Variants in SLC25A21 observed in about 807,000 individuals in gnomAD.
SLC25A21 encodes mitochondrial 2-oxodicarboxylate carrier.
A neutral mutation model predicts 43.8 loss-of-function variants in SLC25A21; 47 were observed. That is an observed-to-expected ratio of 1.07 (90% CI 0.85 to 1.37). SLC25A21 has a LOEUF of 1.37. SLC25A21 is among the 40% of genes most tolerant of loss of function. SLC25A21 has a pLI of 0.00. For synonymous variants in SLC25A21, 131 were observed against 121.3 expected, an observed-to-expected ratio of 1.08 and a Z score of -0.52; for missense variants, 352 against 350.2, an observed-to-expected ratio of 1.00 and a Z score of -0.04.
At chr14:36,689,473 G>A (rs959258967) in intron 7 of SLC25A21, among the ~76,000 whole-genome samples, 4 of 152,214 alleles carry the variant, frequency 2.6e-5, no homozygotes, top group East Asian at 1.9e-4. Context: ...TTCACGAGAC[G>A]ATTTTCCCTA....
At chr14:36,743,613 A>AGAACAAGACAAG (rs940710750) in intron 3 of SLC25A21, among the ~76,000 whole-genome samples, 2 of 152,172 alleles carry the variant, frequency 1.3e-5, no homozygotes, top group Middle Eastern at 3.2e-3. Context: ...ATTTCCCCTA[A>AGAACAAGACAAG]GAACAAGACA....
At chr14:36,851,790 G>T (rs1409551808) in intron 2 of SLC25A21, among the ~76,000 whole-genome samples, 2 of 152,134 alleles carry the variant, frequency 1.3e-5, no homozygotes, top group Non-Finnish European at 2.9e-5. Flanking sequence ...CATTTTCACT[G>T]AATTGCTAAT....
At chr14:37,147,369 G>A (rs1293068597) in intron 1 of SLC25A21, among the ~76,000 whole-genome samples, 4 of 152,112 alleles carry the variant, frequency 2.6e-5, no homozygotes, top group Admixed American at 6.5e-5. Context: ...TGTGAAATAT[G>A]AGGCCCTATT....
chr14:36,729,021 C>A (rs146032643), intron 5 of SLC25A21, among the ~76,000 whole-genome samples: 4 of 152,306 alleles, frequency 2.6e-5, no homozygotes, highest in African/African-American at 9.6e-5. Context: ...TCACAATTCT[C>A]CTTAGCTGAG....
rs1882158041 is a variant in SLC25A21, at chr14:36,680,201, A to G, written c.*457T>C. 2 of 853,090 alleles carry G rather than the reference A, an allele frequency of 2.3e-6. No homozygotes were observed. The highest frequency in any genetic ancestry group is 2.8e-6 in the Non-Finnish European group (2 of 710,040). The allele number at this position is 853,090 out of a possible 1,614,324, so 52.8% of individuals were successfully genotyped here. On this transcript the variant is annotated 3_prime_UTR_variant, in exon 10 of 10. Transcript: ENST00000331299. ...TATTATTTATGGAATAATTTAATTC[A>G]TTATAAAAACTGCTTAAATTTTGGC...
At chr14:36,898,049 T>C (rs1223959098) in intron 1 of SLC25A21, among the ~76,000 whole-genome samples, 1 of 152,166 alleles carries the variant, frequency 6.6e-6, no homozygotes, top group Non-Finnish European at 1.5e-5. Context: ...GAACCACTAC[T>C]CTCTTCAAAG....
intron 1 of SLC25A21, among the ~76,000 whole-genome samples, chr14:36,928,606 T>C (rs1032665170): frequency 6.6e-6 from 1 of 152,180 alleles, no homozygotes; most frequent in African/African-American, 2.4e-5. Context: ...ATGTGTATTG[T>C]AGACTCTCAT....
At chr14:37,007,624 A>AATAATAATAATAATAATAATAATAATAAT (rs1960635711) in intron 1 of SLC25A21, among the ~76,000 whole-genome samples, 1 of 115,012 alleles carries the variant, frequency 8.7e-6, no homozygotes, top group Non-Finnish European at 1.8e-5. Flanking sequence ...ATAATAATAA[A>AATAATAATAATAATAATAATAATAATAAT]GAACTTTGAG....
rs148874667 is a variant in SLC25A21, at chr14:36,956,305, T to C, written c.71-81301A>G. Among the ~76,000 whole-genome samples the C allele has an allele frequency of 1.7e-4, 26 of 152,282 alleles. No individual in the cohort carries two copies. The East Asian group carries it at 2.1e-3, about 12-fold the overall frequency. On this transcript the variant is annotated intron_variant, in intron 1 of 9. Transcript: ENST00000331299. ...TATGACATGGTGACAAAATAGAACT[T>C]TATTTATGTGAAGCTGGTTAAAAAT...
chr14:37,022,678 A>G (rs756319864), intron 1 of SLC25A21, among the ~76,000 whole-genome samples: 1 of 151,976 alleles, frequency 6.6e-6, no homozygotes, highest in Non-Finnish European at 1.5e-5. Context: ...TCCTCCTAAA[A>G]TATTACCCTA....
At chr14:37,056,686 C>CTGTGAGT (rs1191119403) in intron 1 of SLC25A21, among the ~76,000 whole-genome samples, 6 of 152,084 alleles carry the variant, frequency 3.9e-5, no homozygotes, top group Non-Finnish European at 8.8e-5. Context: ...GGCCACCCTG[C>CTGTGAGT]TGTGCACTGA....
In SLC25A21 at chr14:36,679,367, G is replaced by GTTATC. The variant is rs1389933001; in HGVS notation, c.*1286_*1290dup. 6 of 975,490 alleles carry GTTATC rather than the reference G, an allele frequency of 6.2e-6. No homozygotes were observed. The highest frequency in any genetic ancestry group is 9.5e-5 in the South Asian group (2 of 21,088). The allele number at this position is 975,490 out of a possible 1,614,324, so 60.4% of individuals were successfully genotyped here. On this transcript the variant is annotated 3_prime_UTR_variant, in exon 10 of 10. Coordinates refer to ENST00000331299, the MANE Select transcript of SLC25A21 (RefSeq NM_030631.4). ...ATTAATAAAAAGTAATAATTACCAT[G>GTTATC]TTATCTTTTACTTTTTATTTTCAAA...
chr14:36,823,535 C>T (rs1888711198), intron 2 of SLC25A21, among the ~76,000 whole-genome samples: 1 of 152,058 alleles, frequency 6.6e-6, no homozygotes, highest in Non-Finnish European at 1.5e-5. Context: ...CCTAGGCTGG[C>T]CACTACAGTG....
At chr14:36,755,832 C>T (rs569990558) in intron 3 of SLC25A21, among the ~76,000 whole-genome samples, 8 of 152,284 alleles carry the variant, frequency 5.3e-5, no homozygotes, top group South Asian at 2.1e-4. Flanking sequence ...TCCACCCCTC[C>T]CTCTGGAGGC....
rs1055256227 is a variant in SLC25A21 at position 36,829,589 on chromosome 14, C to T, written c.120-15588G>A. Among the ~76,000 whole-genome samples the T allele has an allele frequency of 6.6e-5, 10 of 152,290 alleles. No homozygotes were observed. In the East Asian group the frequency reaches 1.9e-3, roughly 29 times the overall value. ...CCTGCCCACACCTTTACATTTAACT[C>T]ATGTACAAACTGTCTTCAATTTATC... On this transcript the variant is annotated intron_variant, in intron 2 of 9. Transcript: ENST00000331299.
intron 1 of SLC25A21, among the ~76,000 whole-genome samples, chr14:37,098,797 ATAGATAGAT>A (rs1453367721): frequency 5.2e-4 from 54 of 103,356 alleles, no homozygotes; most frequent in African/African-American, 2.2e-3. Flanking sequence ...AGATAGATAG[ATAGATAGAT>A]TTTTTTTTTT....
intron 3 of SLC25A21, among the ~76,000 whole-genome samples, chr14:36,772,429 C>G (rs1033832902): frequency 6.6e-6 from 1 of 152,290 alleles, no homozygotes; most frequent in Admixed American, 6.5e-5. Flanking sequence ...TTTCCAAAGT[C>G]TATCTCTTCC....
chr14:36,684,860 G>T lies in SLC25A21; in HGVS notation c.669C>A (p.Val223=). The T allele has an allele frequency of 6.2e-7, 1 of 1,614,046 alleles. No homozygotes were observed. Residue 223 remains valine, a synonymous_variant, in exon 8 of 10, where the codon GTC becomes GTA. Transcript: ENST00000331299. ...IGLLSGTIAS[V]INIPFDVAKS... ...TGGCAACATCAAAAGGGATGTTAAT[G>T]ACTGAGGCTATTGTCCCCGAGAGAA... is the stretch of plus-strand genomic sequence containing the variant.
rs3061765 is a variant in SLC25A21, at chr14:36,919,622, C to CCTATCTATCTAT, written c.71-44630_71-44619dup. Among the ~76,000 whole-genome samples, 31 of 61,516 alleles carry CCTATCTATCTAT rather than the reference C, an allele frequency of 5.0e-4. 1 individual carries two copies. The highest frequency in any genetic ancestry group is 9.5e-4 in the Non-Finnish European group (25 of 26,198). 40.4% of individuals were successfully genotyped at this position (61,516 alleles called of 152,430 possible). On this transcript the variant is annotated intron_variant, in intron 1 of 9. Transcript: ENST00000331299. Reference sequence around the variant, plus strand: ...TGAAAAATTCAAGATTATCTATCTACCTATCTATCTATCTATCTATCTATC... The same window carrying CCTATCTATCTAT: ...TGAAAAATTCAAGATTATCTATCTACCTATCTATCTATCTATCTATCTATCTATCTATCTATC...
Sources: gnomAD v4.1 joint callset for allele counts (sites outside exome capture counted in the v4.1 genomes callset) on GRCh38, gnomAD v4.1.1 for gene constraint, MANE v1.5 for transcripts, NCBI Gene and HGNC (gene_info 2026-07-23, HGNC 2026-07-21) for gene names.